The following PIK3C2G variants were observed in gnomAD, a reference collection of about 807,000 sequenced individuals.
PIK3C2G encodes the protein phosphatidylinositol 3-kinase C2 domain-containing subunit gamma.
Under a neutral mutation model 181.1 loss-of-function variants are expected in PIK3C2G, and 168 were observed. The ratio of observed to expected loss-of-function variants is 0.93; its 90% CI spans 0.82 to 1.05. PIK3C2G has a LOEUF of 1.05. Ranked by LOEUF, PIK3C2G falls within the 50% of genes least tolerant of loss-of-function variation. The pLI is 0.00. For missense variants in PIK3C2G, 1,869 were observed against 1,732.8 expected (o/e 1.08, Z -1.40); for synonymous variants, 573 against 592.2 (o/e 0.97, Z 0.47).
chr12:18,314,054 T>C lies in PIK3C2G; in HGVS notation c.1127T>C (p.Leu376Pro). The change falls in exon 6 of 33, where the codon CTA becomes CCA. Residue 376 changes from leucine (L) to proline (P), a missense_variant. Coordinates refer to ENST00000538779, the MANE Select transcript of PIK3C2G (RefSeq NM_001288772.2). ...LQKSREAPGK[L>P]SRKHEEDHSQ... ...AAAAGTAGGGAAGCTCCAGGAAAGC[T>C]ATCTCGAAAGGTAAGACTTTCTTAG... 1.3e-6 allele frequency: 2 copies of C among 1,548,262 alleles called. No homozygotes were observed. Among genetic ancestry groups the C allele is most frequent in the Non-Finnish European group, 1.8e-6 (2 of 1,132,920 alleles).
At chr12:18,424,909 C>A in intron 18 of PIK3C2G, 1 of 207,588 alleles carries the variant, frequency 4.8e-6, no homozygotes, top group South Asian at 9.2e-5. Flanking sequence ...TTAATGTTGC[C>A]ATTCTCCAAT....
At chr12:18,459,088 G>C (rs1469028763) in intron 18 of PIK3C2G, among the ~76,000 whole-genome samples, 1 of 152,116 alleles carries the variant, frequency 6.6e-6, no homozygotes, top group Non-Finnish European at 1.5e-5. Flanking sequence ...AGTAGCCATG[G>C]TTTTAAGCCA....
chr12:18,694,456 T>C, the PIK3C2G span, among the ~76,000 whole-genome samples: 5 of 152,150 alleles, frequency 3.3e-5, no homozygotes, highest in Non-Finnish European at 7.4e-5. Flanking sequence ...TCAAATGATA[T>C]TCACAGACAT....
At chr12:18,570,001 C>T (rs1380669269) in intron 29 of PIK3C2G, among the ~76,000 whole-genome samples, 1 of 151,996 alleles carries the variant, frequency 6.6e-6, no homozygotes, top group Non-Finnish European at 1.5e-5. Flanking sequence ...TGTACCTTGT[C>T]CCTTTGCTCT....
chr12:18,643,229 G>C (rs1374578993), intron 32 of PIK3C2G, among the ~76,000 whole-genome samples: 2 of 151,952 alleles, frequency 1.3e-5, no homozygotes, highest in Admixed American at 1.3e-4. Context: ...GCAATACCTA[G>C]GTCCTCACAC....
rs2137968843 is a variant in PIK3C2G, at chr12:18,381,896, A to C, written c.1995+16A>C. 2.1e-6 allele frequency: 3 copies of C among 1,407,642 alleles called. No individual in the cohort carries two copies. The East Asian group carries it at 6.8e-5, about 32-fold the overall frequency. The allele number at this position is 1,407,642 out of a possible 1,614,324, so 87.2% of individuals were successfully genotyped here. A position where few individuals can be genotyped will look rare whatever the true frequency, so the allele number is the denominator to read the frequency against. On this transcript the variant is annotated intron_variant, in intron 14 of 32. Coordinates refer to ENST00000538779, the MANE Select transcript of PIK3C2G (RefSeq NM_001288772.2). ...GACCCTGCAGGTAAGTGCCAGGCTA[A>C]AAGATTAAAGTACACATGGCAAGTA...
chr12:18,627,051 AT>A (rs1417746580), intron 31 of PIK3C2G, among the ~76,000 whole-genome samples: 2 of 150,328 alleles, frequency 1.3e-5, no homozygotes, highest in African/African-American at 4.9e-5. Context: ...ATTCCCATAA[AT>A]TTTCCTTCTT....
chr12:18,515,956 A>T (rs1942510990), intron 24 of PIK3C2G, among the ~76,000 whole-genome samples: 1 of 151,880 alleles, frequency 6.6e-6, no homozygotes, highest in Non-Finnish European at 1.5e-5. Flanking sequence ...TTTCTATTTA[A>T]CTTTTTCCTT....
intron 18 of PIK3C2G, among the ~76,000 whole-genome samples, chr12:18,475,884 A>T (rs546758776): frequency 6.6e-6 from 1 of 152,216 alleles, no homozygotes; most frequent in South Asian, 2.1e-4. Context: ...AATTTTAATC[A>T]ATAAATAAAT....
At chr12:18,510,932 G>T (rs997042149) in intron 24 of PIK3C2G, among the ~76,000 whole-genome samples, 13 of 152,184 alleles carry the variant, frequency 8.5e-5, no homozygotes, top group Non-Finnish European at 1.3e-4. Flanking sequence ...AGATCTAAAA[G>T]TCTATTCCTA....
At chr12:18,459,148 G>A (rs779773088) in intron 18 of PIK3C2G, among the ~76,000 whole-genome samples, 13 of 152,228 alleles carry the variant, frequency 8.5e-5, no homozygotes, top group Admixed American at 2.6e-4. Flanking sequence ...AAAGAAGCCC[G>A]AGGAAAGAGA....
chr12:18,537,473 A>C (rs993603516), intron 24 of PIK3C2G, among the ~76,000 whole-genome samples: 1 of 152,018 alleles, frequency 6.6e-6, no homozygotes, highest in African/African-American at 2.4e-5. Context: ...TGATAAAAAA[A>C]CTGACAAAGG....
the PIK3C2G span, among the ~76,000 whole-genome samples, chr12:18,717,065 T>A: frequency 1.3e-4 from 20 of 152,260 alleles, no homozygotes; most frequent in African/African-American, 3.4e-4. Flanking sequence ...AAAAATATTT[T>A]GAAAGACTTT....
At chr12:18,479,582 G>C (rs1404185259) in intron 18 of PIK3C2G, among the ~76,000 whole-genome samples, 1 of 152,140 alleles carries the variant, frequency 6.6e-6, no homozygotes, top group East Asian at 1.9e-4. Flanking sequence ...CAGAGTAAAT[G>C]CTTGATAATT....
At chr12:18,695,124 C>G in the PIK3C2G span, 1 of 1,560,852 alleles carries the variant, frequency 6.4e-7, no homozygotes. Context: ...ATAGAGAATA[C>G]AAATAAAGGA....
intron 18 of PIK3C2G, among the ~76,000 whole-genome samples, chr12:18,444,667 T>C (rs34628583): frequency 0.11 from 17,110 of 152,162 alleles, 1,050 homozygotes; most frequent in African/African-American, 0.14. Context: ...ATGACTATTT[T>C]TTTCTTTCAT....
At chr12:18,549,098 A>G (rs1944593992) in intron 26 of PIK3C2G, among the ~76,000 whole-genome samples, 1 of 152,048 alleles carries the variant, frequency 6.6e-6, no homozygotes, top group South Asian at 2.1e-4. Context: ...CTGGACAGCT[A>G]GTACCTCATC....
rs1479633666 is a variant in PIK3C2G at position 18,613,226 on chromosome 12, C to T, written c.4182+3597C>T. 2.0e-5 allele frequency among the ~76,000 whole-genome samples: 3 copies of T among 151,920 alleles called. No homozygotes were observed. In the East Asian group the frequency reaches 5.8e-4, roughly 29 times the overall value. Reference sequence around the variant, plus strand: ...TCTAGGCTGCTCTCTTCTCCCTGCTCCAGAATGTTCGCATTCCAGAAGGTG... The same window carrying T: ...TCTAGGCTGCTCTCTTCTCCCTGCTTCAGAATGTTCGCATTCCAGAAGGTG... On this transcript the variant is annotated intron_variant, in intron 31 of 32. Coordinates refer to ENST00000538779, the MANE Select transcript of PIK3C2G (RefSeq NM_001288772.2).
chr12:18,394,708 A>T (rs1026521989), intron 15 of PIK3C2G, among the ~76,000 whole-genome samples: 3 of 151,996 alleles, frequency 2.0e-5, no homozygotes, highest in Non-Finnish European at 4.4e-5. Context: ...AGAAAAAAAG[A>T]ACGGTGAGCT....
Sources: allele counts gnomAD v4.1 joint callset (sites outside exome capture counted in the v4.1 genomes callset), GRCh38; gene constraint gnomAD v4.1.1; transcripts MANE v1.5; gene names NCBI Gene and HGNC (gene_info 2026-07-23, HGNC 2026-07-21).